Variants in CHKA observed in about 807,000 individuals in gnomAD.
The protein encoded by CHKA is choline kinase alpha.
A neutral mutation model predicts 60.1 loss-of-function variants in CHKA; 34 were observed. The ratio of observed to expected loss-of-function variants is 0.57; its 90% CI spans 0.43 to 0.75. The LOEUF is 0.75. Ranked by LOEUF, CHKA falls within the 30% of genes least tolerant of loss-of-function variation. CHKA has a pLI of 0.00. For synonymous variants in CHKA, 217 were observed against 223.1 expected, an observed-to-expected ratio of 0.97 and a Z score of 0.24; for missense variants, 563 against 561.3, an observed-to-expected ratio of 1.00 and a Z score of -0.03.
At chr11:68,098,045 G>T (rs181736344) in intron 1 of CHKA, among the ~76,000 whole-genome samples, 17 of 152,296 alleles carry the variant, frequency 1.1e-4, no homozygotes, top group Non-Finnish European at 1.8e-4. Flanking sequence ...GCCAAGGCAG[G>T]TGGATCACCT....
At chr11:68,101,108 G>A (rs1007462244) in intron 1 of CHKA, among the ~76,000 whole-genome samples, 12 of 151,210 alleles carry the variant, frequency 7.9e-5, no homozygotes, top group African/African-American at 1.2e-4. Context: ...CCACCACACC[G>A]GGCTAATTTT....
chr11:68,083,034 G>A (rs150792061), intron 2 of CHKA, among the ~76,000 whole-genome samples: 2,782 of 152,310 alleles, frequency 0.018, 330 homozygotes, highest in Admixed American at 0.17. Context: ...TGGCCGCATC[G>A]TTCCTTAGAC....
chr11:68,092,375 A>G (rs1403965571), intron 2 of CHKA, among the ~76,000 whole-genome samples: 1 of 152,212 alleles, frequency 6.6e-6, no homozygotes, highest in African/African-American at 2.4e-5. Flanking sequence ...CTTCCATTAT[A>G]GGCCAGATTC....
At chr11:68,094,190 C>A (rs1285363571) in intron 2 of CHKA, among the ~76,000 whole-genome samples, 1 of 152,134 alleles carries the variant, frequency 6.6e-6, no homozygotes, top group Non-Finnish European at 1.5e-5. Flanking sequence ...CAAAAAACAG[C>A]AGAAATGGGA....
chr11:68,115,719 A>C (rs1235248859), intron 1 of CHKA, among the ~76,000 whole-genome samples: 1 of 152,186 alleles, frequency 6.6e-6, no homozygotes, highest in Non-Finnish European at 1.5e-5. Flanking sequence ...ATAGTGTATT[A>C]GTTTAAAAAG....
intron 1 of CHKA, among the ~76,000 whole-genome samples, chr11:68,106,988 T>A (rs1232019757): frequency 6.6e-6 from 1 of 152,116 alleles, no homozygotes; most frequent in Non-Finnish European, 1.5e-5. Context: ...GCATGGTGGA[T>A]CATACCTGTA....
chr11:68,117,580 G>A (rs1023873153), intron 1 of CHKA, among the ~76,000 whole-genome samples: 4 of 152,016 alleles, frequency 2.6e-5, no homozygotes, highest in African/African-American at 7.2e-5. Context: ...CCAGCTACTC[G>A]GGAGGCTGAG....
intron 2 of CHKA, among the ~76,000 whole-genome samples, chr11:68,089,079 G>A (rs939565096): frequency 5.3e-5 from 8 of 152,164 alleles, no homozygotes; most frequent in African/African-American, 1.7e-4. Flanking sequence ...TTCAAAATTG[G>A]ATGACTTGAT....
chr11:68,074,907 G>C (rs1465365240), intron 3 of CHKA, 77 bp from the exon 4 acceptor site: 3 of 1,257,190 alleles, frequency 2.4e-6, no homozygotes, highest in East Asian at 2.4e-5. Flanking sequence ...TCTCACAGGA[G>C]TGTTTCATCT....
intron 1 of CHKA, among the ~76,000 whole-genome samples, chr11:68,102,361 C>CA (rs1857758582): frequency 6.6e-6 from 1 of 152,148 alleles, no homozygotes; most frequent in Non-Finnish European, 1.5e-5. Context: ...TAAAAACAGA[C>CA]AGAGACCAAT....
At chr11:68,114,865 T>C (rs1377309916) in intron 1 of CHKA, among the ~76,000 whole-genome samples, 5 of 152,114 alleles carry the variant, frequency 3.3e-5, no homozygotes, top group African/African-American at 1.2e-4. Context: ...AGACCAGTGA[T>C]TGGCTGGGCT....
Position 68,053,982 on chromosome 11 carries a change from CCA to C in CHKA, c.*4_*5del. ...AGTGATGAGGTGGATGGAGTCCTCC[CCA>C]CAGTCACACCCCAAGCTTCCTCTTC... On this transcript the variant is annotated 3_prime_UTR_variant, in exon 12 of 12. Coordinates refer to ENST00000265689, the MANE Select transcript of CHKA (RefSeq NM_001277.3). The C allele has an allele frequency of 6.2e-7, 1 of 1,613,138 alleles. No homozygotes were observed. The highest frequency in any genetic ancestry group is 8.5e-7 in the Non-Finnish European group (1 of 1,179,518).
Position 68,053,977 on chromosome 11 carries a change from C to T in CHKA, c.*11G>A, listed in dbSNP as rs567571564. 114 of 1,612,492 alleles carry T rather than the reference C, an allele frequency of 7.1e-5. 3 individuals are homozygous for T. In the South Asian group the frequency reaches 1.1e-3, roughly 16 times the overall value. The stretch of plus-strand genomic sequence containing the variant: ...AGTCCAGTGATGAGGTGGATGGAGT[C>T]CTCCCCACAGTCACACCCCAAGCTT... On this transcript the variant is annotated 3_prime_UTR_variant, in exon 12 of 12. Coordinates refer to ENST00000265689, the MANE Select transcript of CHKA (RefSeq NM_001277.3).
intron 1 of CHKA, among the ~76,000 whole-genome samples, chr11:68,101,542 G>A (rs1857724796): frequency 5.3e-5 from 8 of 151,910 alleles, no homozygotes; most frequent in Admixed American, 5.2e-4. Context: ...AAGATCACTT[G>A]AGCCCAGGAG....
In CHKA at chr11:68,064,578, G is replaced by A; in HGVS notation, c.1179C>T (p.Leu393=). 1.3e-6 allele frequency: 2 copies of A among 1,595,904 alleles called. No homozygotes were observed. Among genetic ancestry groups the A allele is most frequent in the Non-Finnish European group, 1.7e-6 (2 of 1,173,832 alleles). The change falls in exon 10 of 12, where the codon CTC becomes CTT. Residue 393 remains leucine (L), a synonymous_variant. Transcript: ENST00000265689. The part of the protein sequence containing the change: ...LPAFQNDFEN[L]STEEKSIIKE... ...TTATAATGGATTTTTCTTCAGTACT[G>A]AGGTTTTCAAAGTCATTTTGGAATG...
chr11:68,085,683 TAATA>T (rs1487136731), intron 2 of CHKA, among the ~76,000 whole-genome samples: 1 of 152,254 alleles, frequency 6.6e-6, no homozygotes, highest in Non-Finnish European at 1.5e-5. Context: ...ATTATTTTTA[TAATA>T]AATACATTTG....
chr11:68,107,527 GCCTGGTCCTCTC>G (rs1857957910), intron 1 of CHKA, among the ~76,000 whole-genome samples: 1 of 151,604 alleles, frequency 6.6e-6, no homozygotes, highest in African/African-American at 2.4e-5. Context: ...GTTTCCAATG[GCCTGGTCCTCTC>G]CCTATCTCCC....
chr11:68,069,052 G>A (rs901256148), intron 6 of CHKA, 115 bp from the exon 7 acceptor site: 2 of 703,426 alleles, frequency 2.8e-6, no homozygotes, highest in Non-Finnish European at 5.0e-6. Flanking sequence ...CACAGTTTCA[G>A]AGTAGTATCT....
At chr11:68,107,036 G>A (rs957919654) in intron 1 of CHKA, among the ~76,000 whole-genome samples, 6 of 152,052 alleles carry the variant, frequency 3.9e-5, no homozygotes, top group East Asian at 1.9e-4. Context: ...GGTGGATCAC[G>A]AGATCAGGAG....
Sources: allele counts gnomAD v4.1 joint callset (sites outside exome capture counted in the v4.1 genomes callset), GRCh38; gene constraint gnomAD v4.1.1; transcripts MANE v1.5; gene names NCBI Gene and HGNC (gene_info 2026-07-23, HGNC 2026-07-21).